Variants in MGAT5 observed in about 807,000 individuals in gnomAD.
The protein encoded by MGAT5 is alpha-1,6-mannosylglycoprotein 6-beta-N-acetylglucosaminyltransferase, also known as alpha-1,6-mannosylglycoprotein 6-beta-N-acetylglucosaminyltransferase A.
In MGAT5, 30 loss-of-function variants were observed where a neutral mutation model predicts 94.3. The ratio of observed to expected loss-of-function variants is 0.32; its 90% CI spans 0.24 to 0.43. The LOEUF is 0.43. Ranked by LOEUF, MGAT5 falls within the 20% of genes least tolerant of loss-of-function variation. The pLI, the probability that MGAT5 is intolerant of heterozygous loss-of-function variation, is 1.00. For missense variants in MGAT5, 691 were observed against 905.5 expected (o/e 0.76, Z 3.04); for synonymous variants, 310 against 322.9 (o/e 0.96, Z 0.43).
chr2:134,331,117 G>A (rs551086239), intron 4 of MGAT5, among the ~76,000 whole-genome samples: 1 of 152,046 alleles, frequency 6.6e-6, no homozygotes. Context: ...AGTCTGACCA[G>A]ATTAGACTTC....
chr2:134,298,101 T>C (rs1350215392), intron 2 of MGAT5, among the ~76,000 whole-genome samples: 2 of 152,116 alleles, frequency 1.3e-5, no homozygotes, highest in Admixed American at 6.6e-5. Flanking sequence ...ATTATCTCTG[T>C]ATTATTATTT....
At chr2:134,360,664 A>G (rs1376664570) in intron 9 of MGAT5, among the ~76,000 whole-genome samples, 1 of 152,234 alleles carries the variant, frequency 6.6e-6, no homozygotes, top group African/African-American at 2.4e-5. Context: ...GAGAATGCAC[A>G]CAGGTTTTGT....
chr2:134,427,758 C>G (rs1040267244), intron 13 of MGAT5, among the ~76,000 whole-genome samples: 2 of 152,204 alleles, frequency 1.3e-5, no homozygotes, highest in African/African-American at 4.8e-5. Flanking sequence ...CTCCCAGGAC[C>G]CCCTAGCTGA....
At chr2:134,337,364 AC>A (rs1315176303) in intron 5 of MGAT5, among the ~76,000 whole-genome samples, 1 of 152,152 alleles carries the variant, frequency 6.6e-6, no homozygotes, top group Non-Finnish European at 1.5e-5. Flanking sequence ...AGTTTCAGCT[AC>A]TTGGAAGGCT....
At chr2:134,269,982 G>GA in intron 1 of MGAT5, among the ~76,000 whole-genome samples, 1 of 152,322 alleles carries the variant, frequency 6.6e-6, no homozygotes, top group South Asian at 2.1e-4. Flanking sequence ...TATGCAACAC[G>GA]AAAAATAACA....
At chr2:134,207,282 C>G (rs957534872) in intron 1 of MGAT5, among the ~76,000 whole-genome samples, 1 of 152,222 alleles carries the variant, frequency 6.6e-6, no homozygotes, top group Non-Finnish European at 1.5e-5. Context: ...TTAACTCCAT[C>G]TGCATCCTTA....
intron 1 of MGAT5, among the ~76,000 whole-genome samples, chr2:134,247,372 AAAC>A (rs1346040307): frequency 2.4e-4 from 36 of 148,702 alleles, no homozygotes; most frequent in Admixed American, 1.2e-3. Flanking sequence ...AAAAAAAAAA[AAAC>A]AAAAAAAAAA....
chr2:134,233,006 G>A (rs1278023981), intron 1 of MGAT5, among the ~76,000 whole-genome samples: 1 of 152,198 alleles, frequency 6.6e-6, no homozygotes, highest in Non-Finnish European at 1.5e-5. Flanking sequence ...AGTTAAAACT[G>A]CCACAACAGG....
At chr2:134,395,706 C>T (rs879788043) in intron 10 of MGAT5, among the ~76,000 whole-genome samples, 2 of 152,204 alleles carry the variant, frequency 1.3e-5, no homozygotes, top group Non-Finnish European at 2.9e-5. Flanking sequence ...AGGACCATTG[C>T]TCTTTCCGTA....
intron 10 of MGAT5, among the ~76,000 whole-genome samples, chr2:134,398,244 C>T (rs1201746445): frequency 6.6e-6 from 1 of 152,190 alleles, no homozygotes; most frequent in Non-Finnish European, 1.5e-5. Context: ...GACCGAGACC[C>T]TGCCACTGTC....
chr2:134,155,929 G>A (rs1299293678), intron 1 of MGAT5, among the ~76,000 whole-genome samples: 3 of 152,020 alleles, frequency 2.0e-5, no homozygotes, highest in African/African-American at 7.3e-5. Context: ...TCAGCTGAGA[G>A]CAGATCCCCA....
chr2:134,171,547 C>A (rs1482908291), intron 1 of MGAT5, among the ~76,000 whole-genome samples: 4 of 152,134 alleles, frequency 2.6e-5, no homozygotes, highest in Non-Finnish European at 5.9e-5. Context: ...ACAAATGCCT[C>A]TGGGTGTCGA....
upstream of MGAT5, among the ~76,000 whole-genome samples, chr2:134,251,354 C>T (rs971088466): frequency 3.3e-5 from 5 of 152,174 alleles, no homozygotes; most frequent in Non-Finnish European, 5.9e-5. Context: ...AGACTTGGCG[C>T]GGAGCGGAGT....
intron 4 of MGAT5, among the ~76,000 whole-genome samples, chr2:134,334,099 G>A (rs1195381310): frequency 6.6e-6 from 1 of 152,082 alleles, no homozygotes; most frequent in African/African-American, 2.4e-5. Flanking sequence ...AAATTGGATT[G>A]ACTCTATATT....
chr2:134,435,312 T>C (rs974528302), intron 14 of MGAT5, among the ~76,000 whole-genome samples: 1 of 152,208 alleles, frequency 6.6e-6, no homozygotes, highest in South Asian at 2.1e-4. Context: ...ATGTACTCCC[T>C]TGTCAAATCT....
chr2:134,444,805 A>G (rs1321106609), intron 15 of MGAT5, among the ~76,000 whole-genome samples: 1 of 152,204 alleles, frequency 6.6e-6, no homozygotes, highest in Non-Finnish European at 1.5e-5. Flanking sequence ...AGGGCCATTC[A>G]GGAAACCAGC....
At chr2:134,346,995 T>G (rs933002833) in intron 8 of MGAT5, among the ~76,000 whole-genome samples, 1 of 152,208 alleles carries the variant, frequency 6.6e-6, no homozygotes, top group Non-Finnish European at 1.5e-5. Context: ...GCATGGCTGC[T>G]GCGATCGCTG....
chr2:134,164,851 ACC>A (rs371441586), intron 1 of MGAT5, among the ~76,000 whole-genome samples: 24 of 147,958 alleles, frequency 1.6e-4, no homozygotes, highest in South Asian at 1.5e-3. Context: ...AAAAAAAAAA[ACC>A]AAACCAAACA....
At chr2:134,138,164 A>G (rs1036148179) in intron 1 of MGAT5, among the ~76,000 whole-genome samples, 4 of 151,896 alleles carry the variant, frequency 2.6e-5, no homozygotes, top group African/African-American at 9.7e-5. Context: ...TAATTTTTAA[A>G]GTGAGATACC....
Sources: gnomAD v4.1 joint callset for allele counts (sites outside exome capture counted in the v4.1 genomes callset) on GRCh38, gnomAD v4.1.1 for gene constraint, MANE v1.5 for transcripts, NCBI Gene and HGNC (gene_info 2026-07-23, HGNC 2026-07-21) for gene names.